NDST3: variants seen among roughly 807,000 people sequenced by gnomAD.
NDST3 encodes N-deacetylase and N-sulfotransferase 3, also known as bifunctional heparan sulfate N-deacetylase/N-sulfotransferase 3.
Under a neutral mutation model 96.1 loss-of-function variants are expected in NDST3, and 58 were observed. The observed-to-expected ratio is 0.60, with a 90% CI of 0.49 to 0.75. The LOEUF is 0.75. Among genes scored for constraint, NDST3 ranks in the 30% least tolerant of loss-of-function variants. NDST3 has a pLI of 0.00. For synonymous variants in NDST3, 333 were observed against 359.7 expected, an observed-to-expected ratio of 0.93 and a Z score of 0.84; for missense variants, 788 against 1,034.2, an observed-to-expected ratio of 0.76 and a Z score of 3.27.
intron 6 of NDST3, among the ~76,000 whole-genome samples, chr4:118,158,861 A>T (rs990677237): frequency 1.4e-4 from 21 of 152,316 alleles, no homozygotes; most frequent in African/African-American, 5.0e-4. Context: ...CCTTCCTTCC[A>T]TAGAGTCATC....
chr4:118,151,840 C>T (rs1161748419), intron 6 of NDST3, among the ~76,000 whole-genome samples: 2 of 152,066 alleles, frequency 1.3e-5, no homozygotes, highest in African/African-American at 4.8e-5. Context: ...GTGTAGGGGT[C>T]ACCTTCCTCA....
intron 6 of NDST3, among the ~76,000 whole-genome samples, chr4:118,159,556 A>G (rs1196985403): frequency 6.6e-6 from 1 of 152,218 alleles, no homozygotes; most frequent in East Asian, 1.9e-4. Context: ...AGGAAAATAT[A>G]GACCAATCCA....
chr4:118,063,085 G>T (rs2110470983), intron 2 of NDST3, among the ~76,000 whole-genome samples: 1 of 151,954 alleles, frequency 6.6e-6, no homozygotes, highest in Non-Finnish European at 1.5e-5. Context: ...AGCTACTCCG[G>T]AGGCTGAGGC....
chr4:118,143,473 T>A (rs1181493114), intron 5 of NDST3, 83 bp from the exon 6 acceptor site: 2 of 1,434,762 alleles, frequency 1.4e-6, no homozygotes, highest in East Asian at 4.8e-5. Context: ...TTGTGCATCA[T>A]CTTGTGTGAG....
intron 5 of NDST3, among the ~76,000 whole-genome samples, chr4:118,141,703 T>A (rs906836295): frequency 2.0e-5 from 3 of 152,208 alleles, no homozygotes; most frequent in Non-Finnish European, 4.4e-5. Context: ...TCATACACTT[T>A]TAAAATGTTA....
intron 2 of NDST3, among the ~76,000 whole-genome samples, chr4:118,071,494 TA>T (rs1257563569): frequency 6.6e-6 from 1 of 152,126 alleles, no homozygotes; most frequent in Non-Finnish European, 1.5e-5. Flanking sequence ...CTCCCACTAA[TA>T]AGTGAGAACA....
At chr4:118,219,914 C>T (rs1360688552) in intron 6 of NDST3, among the ~76,000 whole-genome samples, 8 of 152,070 alleles carry the variant, frequency 5.3e-5, no homozygotes, top group East Asian at 1.9e-4. Context: ...CAAAAAAAAG[C>T]TCAACATCAC....
In NDST3 at chr4:118,236,035, T is replaced by TAA. The variant is rs538072229; in HGVS notation, c.1944-1003_1944-1002dup. Among the ~76,000 whole-genome samples, 1,434 of 150,970 alleles carry TAA rather than the reference T, an allele frequency of 9.5e-3. 26 individuals are homozygous for TAA. Among genetic ancestry groups the TAA allele is most frequent in the Middle Eastern group, 0.083 (24 of 290 alleles). ...TTGGTCAAAAGAAAACAAGACACTG[T>TAA]AAAAAAAAACAGGTCATTGCATGAA... On this transcript the variant is annotated intron_variant, in intron 9 of 13. Transcript: ENST00000296499.
intron 6 of NDST3, among the ~76,000 whole-genome samples, chr4:118,214,516 T>A (rs1039239215): frequency 6.6e-6 from 1 of 152,188 alleles, no homozygotes; most frequent in African/African-American, 2.4e-5. Context: ...TCAATTATTA[T>A]TATTTTTCAT....
intron 6 of NDST3, among the ~76,000 whole-genome samples, chr4:118,174,625 T>A (rs1261813738): frequency 6.6e-6 from 1 of 152,172 alleles, no homozygotes; most frequent in Non-Finnish European, 1.5e-5. Flanking sequence ...AACTTAAACA[T>A]TTTTGTTTAA....
intron 8 of NDST3, among the ~76,000 whole-genome samples, 169 bp downstream of exon 8, chr4:118,227,151 G>C (rs1008379521): frequency 6.6e-6 from 1 of 151,482 alleles, no homozygotes; most frequent in Non-Finnish European, 1.5e-5. Context: ...AATGCTTATC[G>C]AAGTGTTTTT....
At chr4:118,235,786 T>C (rs951876777) in intron 9 of NDST3, among the ~76,000 whole-genome samples, 1 of 152,204 alleles carries the variant, frequency 6.6e-6, no homozygotes, top group African/African-American at 2.4e-5. Context: ...CCAGAAATTT[T>C]TGTATATCTC....
intron 9 of NDST3, among the ~76,000 whole-genome samples, chr4:118,234,422 A>G (rs1307672164): frequency 2.6e-5 from 4 of 152,110 alleles, no homozygotes; most frequent in African/African-American, 7.2e-5. Context: ...TCAAAAAAAG[A>G]AAAGAAAGAA....
chr4:118,212,431 T>C (rs951723392), intron 6 of NDST3, among the ~76,000 whole-genome samples: 1 of 152,090 alleles, frequency 6.6e-6, no homozygotes, highest in African/African-American at 2.4e-5. Flanking sequence ...TCCCAGCTAC[T>C]GGTGAGGCTA....
intron 6 of NDST3, among the ~76,000 whole-genome samples, chr4:118,151,519 A>T (rs1265301606): frequency 2.0e-5 from 3 of 152,094 alleles, no homozygotes; most frequent in Non-Finnish European, 4.4e-5. Flanking sequence ...AACTTAATGC[A>T]TCAGAATCTC....
chr4:118,203,616 T>G (rs1362078048), intron 6 of NDST3, among the ~76,000 whole-genome samples: 2 of 152,202 alleles, frequency 1.3e-5, no homozygotes, highest in Non-Finnish European at 1.5e-5. Flanking sequence ...AGCCCTCATT[T>G]TCAACTGCAC....
chr4:118,092,225 G>GTTT (rs11408271), intron 2 of NDST3, among the ~76,000 whole-genome samples: 5 of 146,448 alleles, frequency 3.4e-5, no homozygotes, highest in Non-Finnish European at 7.5e-5. Flanking sequence ...TATTTTCATT[G>GTTT]TTTTTTTTTT....
chr4:118,223,714 A>G (rs1560728323), intron 6 of NDST3, among the ~76,000 whole-genome samples: 1 of 152,120 alleles, frequency 6.6e-6, no homozygotes, highest in African/African-American at 2.4e-5. Flanking sequence ...GACCTATTAA[A>G]TTCATTATTA....
chr4:118,238,411 C>T (rs540077614), intron 10 of NDST3, among the ~76,000 whole-genome samples: 1 of 152,172 alleles, frequency 6.6e-6, no homozygotes, highest in Non-Finnish European at 1.5e-5. Context: ...TTTAATAAAT[C>T]ATTGCAAATA....
Sources: allele counts gnomAD v4.1 joint callset (sites outside exome capture counted in the v4.1 genomes callset), GRCh38; gene constraint gnomAD v4.1.1; transcripts MANE v1.5; gene names NCBI Gene and HGNC (gene_info 2026-07-23, HGNC 2026-07-21).